ZNF521: variants seen among roughly 807,000 people sequenced by gnomAD.
ZNF521 encodes the protein LYST-interacting protein 3.
Under a neutral mutation model 105.5 loss-of-function variants are expected in ZNF521, and 14 were observed. The ratio of observed to expected loss-of-function variants is 0.13; its 90% CI spans 0.09 to 0.21. The LOEUF is 0.21. ZNF521 is among the 10% of genes least tolerant of loss of function. The probability of loss-of-function intolerance (pLI) is 1.00; values close to 1 mark genes in which losing one functional copy is unlikely to be tolerated. For missense variants in ZNF521, 1,233 were observed against 1,629.7 expected, an observed-to-expected ratio of 0.76 and a Z score of 4.19; for synonymous variants, 635 against 606.0, an observed-to-expected ratio of 1.05 and a Z score of -0.70.
chr18:25,070,474 C>T (rs945706774), intron 7 of ZNF521, among the ~76,000 whole-genome samples: 52 of 152,148 alleles, frequency 3.4e-4, no homozygotes, highest in African/African-American at 9.4e-4. Context: ...CCATCCAGTA[C>T]ACCATTTCTC....
chr18:25,185,578 C>T (rs1448940587), intron 5 of ZNF521, among the ~76,000 whole-genome samples: 1 of 152,092 alleles, frequency 6.6e-6, no homozygotes, highest in East Asian at 1.9e-4. Context: ...CCCTTCACTG[C>T]AATTTACTGA....
intron 5 of ZNF521, among the ~76,000 whole-genome samples, chr18:25,120,631 A>C (rs1479966210): frequency 6.6e-6 from 1 of 151,740 alleles, no homozygotes; most frequent in African/African-American, 2.4e-5. Flanking sequence ...ACAAACAAAA[A>C]AACCTAGTAG....
intron 5 of ZNF521, among the ~76,000 whole-genome samples, chr18:25,131,850 A>G (rs976247389): frequency 6.6e-6 from 1 of 152,170 alleles, no homozygotes; most frequent in East Asian, 1.9e-4. Flanking sequence ...ATTATTCCAC[A>G]TTGTAGTTTA....
intron 5 of ZNF521, among the ~76,000 whole-genome samples, chr18:25,113,679 G>A (rs140480473): frequency 6.6e-6 from 1 of 151,890 alleles, no homozygotes; most frequent in African/African-American, 2.4e-5. Context: ...AGATAGCGTG[G>A]AGAGAACGAG....
chr18:25,161,790 G>C (rs1287483940), intron 5 of ZNF521, among the ~76,000 whole-genome samples: 2 of 152,124 alleles, frequency 1.3e-5, no homozygotes, highest in Non-Finnish European at 2.9e-5. Context: ...AAAATGATGT[G>C]ATTTGTTCAA....
chr18:25,203,121 C>A (rs559561345), intron 4 of ZNF521, among the ~76,000 whole-genome samples: 1 of 152,244 alleles, frequency 6.6e-6, no homozygotes. Flanking sequence ...AACACACAAA[C>A]ATTAAAGTGT....
At chr18:25,271,278 C>A (rs1025310113) in intron 3 of ZNF521, among the ~76,000 whole-genome samples, 1 of 152,154 alleles carries the variant, frequency 6.6e-6, no homozygotes, top group Non-Finnish European at 1.5e-5. Flanking sequence ...AGGACATAAA[C>A]AAATGGAAGA....
intron 5 of ZNF521, among the ~76,000 whole-genome samples, chr18:25,178,896 C>T (rs1350614875): frequency 1.3e-5 from 2 of 152,068 alleles, no homozygotes; most frequent in Non-Finnish European, 1.5e-5. Context: ...GTGATGTAGA[C>T]AGATTCAAGA....
intron 2 of ZNF521, among the ~76,000 whole-genome samples, chr18:25,349,955 G>A (rs1464864380): frequency 6.6e-6 from 1 of 151,566 alleles, no homozygotes; most frequent in Non-Finnish European, 1.5e-5. Flanking sequence ...TCTCCGCCTC[G>A]GAGCGCCGGA....
intron 3 of ZNF521, among the ~76,000 whole-genome samples, chr18:25,230,015 C>G (rs1906430947): frequency 6.6e-6 from 1 of 152,178 alleles, no homozygotes; most frequent in Admixed American, 6.5e-5. Flanking sequence ...TGTCTGTGGT[C>G]CATGCCTGAC....
intron 3 of ZNF521, among the ~76,000 whole-genome samples, chr18:25,294,798 T>G (rs2145044608): frequency 8.0e-6 from 1 of 125,708 alleles, no homozygotes. Context: ...GAGACAGCAG[T>G]GAGCCAAGAT....
intron 7 of ZNF521, among the ~76,000 whole-genome samples, chr18:25,074,798 T>C (rs1244392359): frequency 1.3e-5 from 2 of 152,066 alleles, no homozygotes; most frequent in African/African-American, 2.4e-5. Flanking sequence ...TGGCTTTACT[T>C]CTAGGTCTCT....
chr18:25,169,043 C>T lies in ZNF521; in HGVS notation c.3658+26117G>A, dbSNP rs190321694. Among the ~76,000 whole-genome samples, 67 of 152,058 alleles carry T rather than the reference C, an allele frequency of 4.4e-4. 1 individual carries two copies. The highest frequency in any genetic ancestry group is 1.6e-3 in the African/African-American group (66 of 41,472). ...GTAATAGTTTCCACAATTATTCCTC[C>T]TACATTTTCCTGGCACTATATTATA... On this transcript the variant is annotated intron_variant, in intron 5 of 7. Coordinates refer to ENST00000361524, the MANE Select transcript of ZNF521 (RefSeq NM_015461.3).
At chr18:25,076,645 A>G (rs766657521) in intron 7 of ZNF521, among the ~76,000 whole-genome samples, 1 of 152,208 alleles carries the variant, frequency 6.6e-6, no homozygotes, top group Non-Finnish European at 1.5e-5. Flanking sequence ...CCTTTATTAT[A>G]TAATAAAATA....
chr18:25,222,149 C>T (rs1243733936), intron 4 of ZNF521, among the ~76,000 whole-genome samples: 1 of 152,164 alleles, frequency 6.6e-6, no homozygotes. Flanking sequence ...TACTCGACTG[C>T]ATAGTCATTT....
At chr18:25,166,272 C>A (rs551737668) in intron 5 of ZNF521, among the ~76,000 whole-genome samples, 1 of 152,134 alleles carries the variant, frequency 6.6e-6, no homozygotes, top group Non-Finnish European at 1.5e-5. Context: ...TCATTCTCTA[C>A]CCTTTGACTG....
At chr18:25,322,664 C>T (rs1204988265) in intron 2 of ZNF521, among the ~76,000 whole-genome samples, 1 of 151,834 alleles carries the variant, frequency 6.6e-6, no homozygotes, top group Non-Finnish European at 1.5e-5. Context: ...TTACCATAGG[C>T]ACAAAATTGA....
chr18:25,341,820 CTCA>C lies in ZNF521; in HGVS notation c.40+9084_40+9086del, dbSNP rs553460277. ...AAAAGCAATGGAAAGTATGTAGACT[CTCA>C]TCCAGTTTTCTAGACTATAAGCTCC... On this transcript the variant is annotated intron_variant, in intron 2 of 7. Transcript: ENST00000361524. Among the ~76,000 whole-genome samples the C allele has an allele frequency of 7.9e-3, 1,210 of 152,334 alleles. 10 individuals are homozygous for C. The highest frequency in any genetic ancestry group is 0.013 in the Non-Finnish European group (858 of 68,032).
At chr18:25,085,257 A>G (rs1159042267) in intron 7 of ZNF521, among the ~76,000 whole-genome samples, 1 of 150,094 alleles carries the variant, frequency 6.7e-6, no homozygotes, top group Non-Finnish European at 1.5e-5. Flanking sequence ...AATATGATAT[A>G]ATTTTATATT....
Sources: allele counts gnomAD v4.1 joint callset (sites outside exome capture counted in the v4.1 genomes callset), GRCh38; gene constraint gnomAD v4.1.1; transcripts MANE v1.5; gene names NCBI Gene and HGNC (gene_info 2026-07-23, HGNC 2026-07-21).